PHACTR1: variants seen among roughly 807,000 people sequenced by gnomAD.
PHACTR1 encodes the protein phosphatase and actin regulator 1.
PHACTR1 carries 16 observed loss-of-function variants against 69.2 expected under a neutral mutation model. The observed-to-expected ratio is 0.23, with a 90% confidence interval of 0.16 to 0.35. The LOEUF is 0.35. Ranked by LOEUF, PHACTR1 falls within the 10% of genes least tolerant of loss-of-function variation. The pLI is 1.00. For missense variants in PHACTR1, 510 were observed against 734.7 expected, an observed-to-expected ratio of 0.69 and a Z score of 3.54; for synonymous variants, 312 against 284.5, an observed-to-expected ratio of 1.10 and a Z score of -0.97.
intron 4 of PHACTR1, among the ~76,000 whole-genome samples, chr6:12,997,137 A>G (rs1018774967): frequency 6.6e-6 from 1 of 151,844 alleles, no homozygotes; most frequent in Non-Finnish European, 1.5e-5. Context: ...ATTGCACTCT[A>G]GCCTGGGCAG....
chr6:13,152,855 G>A (rs749462959), intron 5 of PHACTR1, among the ~76,000 whole-genome samples: 34 of 152,164 alleles, frequency 2.2e-4, no homozygotes, highest in Non-Finnish European at 4.1e-4. Context: ...AAATGTGGGC[G>A]TGAGCCTTGT....
chr6:12,942,442 C>T (rs1275417098), intron 4 of PHACTR1, among the ~76,000 whole-genome samples: 1 of 152,158 alleles, frequency 6.6e-6, no homozygotes, highest in Admixed American at 6.5e-5. Context: ...GTAGTTAGAG[C>T]TAGTTCTTTC....
intron 4 of PHACTR1, among the ~76,000 whole-genome samples, chr6:12,886,921 G>T (rs1247527775): frequency 6.6e-6 from 1 of 152,110 alleles, no homozygotes; most frequent in Non-Finnish European, 1.5e-5. Flanking sequence ...AAGCAAAAAA[G>T]TTTGATTCCA....
intron 6 of PHACTR1, among the ~76,000 whole-genome samples, chr6:13,180,776 G>A (rs6934799): frequency 0.043 from 6,477 of 152,124 alleles, 305 homozygotes; most frequent in African/African-American, 0.12. Flanking sequence ...ATAAAGGCAC[G>A]TTAAGAAGAC....
At chr6:13,108,047 G>T (rs547021824) in intron 5 of PHACTR1, among the ~76,000 whole-genome samples, 1 of 152,108 alleles carries the variant, frequency 6.6e-6, no homozygotes, top group Admixed American at 6.6e-5. Context: ...CACTGCTTCA[G>T]CTACATCTCA....
chr6:13,140,427 A>C (rs1387434323), intron 5 of PHACTR1, among the ~76,000 whole-genome samples: 12 of 152,226 alleles, frequency 7.9e-5, no homozygotes, highest in Admixed American at 7.2e-4. Flanking sequence ...AGTGGCCTAT[A>C]TATACAATGG....
intron 4 of PHACTR1, among the ~76,000 whole-genome samples, chr6:12,880,230 CTTTTTTTTT>C (rs61160052): frequency 1.9e-5 from 2 of 107,754 alleles, no homozygotes; most frequent in African/African-American, 6.9e-5. Context: ...ACTTTTTTTT[CTTTTTTTTT>C]TTTTTTTGAC....
chr6:12,899,366 C>G (rs1784976323), intron 4 of PHACTR1, among the ~76,000 whole-genome samples: 1 of 152,152 alleles, frequency 6.6e-6, no homozygotes. Flanking sequence ...ACAGCACCCC[C>G]AGAGAAAGAT....
intron 4 of PHACTR1, among the ~76,000 whole-genome samples, chr6:13,037,446 A>G (rs1259868068): frequency 6.6e-6 from 1 of 152,210 alleles, no homozygotes; most frequent in Non-Finnish European, 1.5e-5. Flanking sequence ...AGTCTGGGTT[A>G]TATTAAAAAG....
At chr6:13,000,641 G>GAAGGAAGGAAGT (rs1471881943) in intron 4 of PHACTR1, among the ~76,000 whole-genome samples, 1 of 111,922 alleles carries the variant, frequency 8.9e-6, no homozygotes, top group Non-Finnish European at 1.8e-5. Context: ...AGGAAGGAAG[G>GAAGGAAGGAAGT]GGGGAGGGAG....
At chr6:13,170,772 C>G (rs1760480300) in intron 6 of PHACTR1, among the ~76,000 whole-genome samples, 1 of 152,170 alleles carries the variant, frequency 6.6e-6, no homozygotes. Context: ...TCTCTAGACT[C>G]TGGTTTCTGA....
At chr6:13,083,793 T>C (rs1811808693) in intron 5 of PHACTR1, among the ~76,000 whole-genome samples, 1 of 152,116 alleles carries the variant, frequency 6.6e-6, no homozygotes, top group Non-Finnish European at 1.5e-5. Context: ...GTACATTGAT[T>C]TTGTATCCTG....
chr6:13,039,276 G>T (rs1803813463), intron 4 of PHACTR1, among the ~76,000 whole-genome samples: 2 of 152,170 alleles, frequency 1.3e-5, no homozygotes, highest in Admixed American at 6.5e-5. Flanking sequence ...TATTCAGATA[G>T]TTGCTGTGAG....
rs574768366 is a variant in PHACTR1, at chr6:13,057,923, C to T, written c.415+4394C>T. On this transcript the variant is annotated intron_variant, in intron 5 of 14. Transcript: ENST00000332995. ...TGGTGGTGAAAGCACTATTGAGACA[C>T]GGAGTAGCTCTCAGCAGAAGTCCTG... Among the ~76,000 whole-genome samples, 9 of 152,206 alleles carry T rather than the reference C, an allele frequency of 5.9e-5. No homozygotes were observed. In the East Asian group the frequency reaches 9.7e-4, roughly 16 times the overall value.
At position 13,018,136 on chromosome 6, in the gene PHACTR1, G is replaced by A. The variant is rs564746421; in HGVS notation, c.251-35229G>A. Among the ~76,000 whole-genome samples the A allele has an allele frequency of 2.6e-5, 4 of 152,220 alleles. No homozygotes were observed. In the South Asian group the frequency reaches 6.2e-4, roughly 24 times the overall value. On this transcript the variant is annotated intron_variant, in intron 4 of 14. Coordinates refer to ENST00000332995, the MANE Select transcript of PHACTR1 (RefSeq NM_030948.6). ...ATACTAATTCTCTGCTGTACTGACT[G>A]TAGAGTTCATCCATTGAGACAGCCT...
rs1288495507 is a variant in PHACTR1 at position 13,206,029 on chromosome 6, C to A, written c.879C>A (p.Gly293=). Residue 293 remains glycine, a synonymous_variant, in exon 8 of 15, where the codon GGC becomes GGA. Transcript: ENST00000332995. The part of the protein sequence containing the change: ...IQHQLQYGSH[G]QHLPSTTGSL... The stretch of plus-strand genomic sequence containing the variant: ...ACCAGCTGCAGTACGGCAGCCACGG[C>A]CAGCACCTCCCCTCCACCACCGGCT... 1.2e-5 allele frequency: 19 copies of A among 1,613,822 alleles called. No homozygotes were observed. Among genetic ancestry groups the A allele is most frequent in the Non-Finnish European group, 1.4e-5 (17 of 1,179,888 alleles).
chr6:13,045,905 C>A (rs1804953320), intron 4 of PHACTR1, among the ~76,000 whole-genome samples: 1 of 152,190 alleles, frequency 6.6e-6, no homozygotes, highest in African/African-American at 2.4e-5. Flanking sequence ...TGGCCAAGAG[C>A]CTGAGCAAAT....
At chr6:12,845,555 G>A (rs1301064383) in intron 4 of PHACTR1, among the ~76,000 whole-genome samples, 1 of 151,670 alleles carries the variant, frequency 6.6e-6, no homozygotes, top group African/African-American at 2.4e-5. Context: ...GTTCAGCACC[G>A]AGACAGTCTA....
intron 5 of PHACTR1, among the ~76,000 whole-genome samples, chr6:13,056,265 G>A (rs1011089977): frequency 6.6e-6 from 1 of 152,058 alleles, no homozygotes; most frequent in African/African-American, 2.4e-5. Flanking sequence ...ATTAACATGG[G>A]GACACATGTC....
Sources: allele counts gnomAD v4.1 joint callset (sites outside exome capture counted in the v4.1 genomes callset), GRCh38; gene constraint gnomAD v4.1.1; transcripts MANE v1.5; gene names NCBI Gene and HGNC (gene_info 2026-07-23, HGNC 2026-07-21).